The following PRKN variants were observed in gnomAD, a reference collection of about 807,000 sequenced individuals.
PRKN encodes the protein E3 ubiquitin-protein ligase parkin.
In PRKN, 56 loss-of-function variants were observed where a neutral mutation model predicts 59.5. That is an observed-to-expected ratio of 0.94 (90% confidence interval 0.76 to 1.18). PRKN has a LOEUF of 1.18. Ranked by LOEUF, PRKN falls within the 50% of genes most tolerant of loss-of-function variation. The pLI is 0.00. For synonymous variants in PRKN, 250 were observed against 222.1 expected, an observed-to-expected ratio of 1.13 and a Z score of -1.12; for missense variants, 657 against 596.4, an observed-to-expected ratio of 1.10 and a Z score of -1.06.
chr6:162,022,975 G>A (rs562070343), intron 5 of PRKN, among the ~76,000 whole-genome samples: 21 of 152,188 alleles, frequency 1.4e-4, no homozygotes, highest in African/African-American at 4.6e-4. Flanking sequence ...TAGGTATGAG[G>A]CTTTATTTCT....
chr6:162,617,758 ATTTT>A (rs34324063), intron 1 of PRKN, among the ~76,000 whole-genome samples: 1 of 151,122 alleles, frequency 6.6e-6, no homozygotes, highest in African/African-American at 2.4e-5. Context: ...CTGAAAAATA[ATTTT>A]TTTTTGTTAT....
At chr6:162,546,840 A>C (rs1229900483) in intron 1 of PRKN, among the ~76,000 whole-genome samples, 2 of 152,180 alleles carry the variant, frequency 1.3e-5, no homozygotes, top group African/African-American at 2.4e-5. Context: ...TGTCAGACTG[A>C]AACAACCACC....
chr6:161,783,031 A>T (rs191161119), intron 7 of PRKN, among the ~76,000 whole-genome samples: 1 of 152,336 alleles, frequency 6.6e-6, no homozygotes, highest in East Asian at 1.9e-4. Context: ...AACAAACTGC[A>T]AAAATCTTAA....
chr6:161,641,310 T>C (rs1783729216), intron 7 of PRKN, among the ~76,000 whole-genome samples: 2 of 152,206 alleles, frequency 1.3e-5, no homozygotes, highest in Admixed American at 1.3e-4. Flanking sequence ...ATAACATCAT[T>C]ATTGTAAAAC....
At chr6:162,662,434 C>A (rs1180723396) in intron 1 of PRKN, among the ~76,000 whole-genome samples, 1 of 151,826 alleles carries the variant, frequency 6.6e-6, no homozygotes, top group Non-Finnish European at 1.5e-5. Context: ...AATTAAGTTC[C>A]ATTTATCTAT....
At chr6:162,324,881 G>A (rs1327690543) in intron 2 of PRKN, among the ~76,000 whole-genome samples, 1 of 151,974 alleles carries the variant, frequency 6.6e-6, no homozygotes, top group Admixed American at 6.6e-5. Flanking sequence ...GCAATATTGT[G>A]TCCTAAACTA....
rs576493932 is a variant in PRKN, at chr6:161,359,939, T to C, written c.1285+149A>G. The C allele has an allele frequency of 9.7e-6, 7 of 722,474 alleles. No homozygotes were observed. The highest frequency in any genetic ancestry group is 6.1e-5 in the South Asian group (4 of 65,326). The allele number at this position is 722,474 out of a possible 1,614,324, so 44.8% of individuals were successfully genotyped here. A position where few individuals can be genotyped will look rare whatever the true frequency, so the allele number is the denominator to read the frequency against. ...TTCTGTGTAACAAAAACAATAATAA[T>C]AGTGATAATGGGTAACATTAATCGA... On this transcript the variant is annotated intron_variant, in intron 11 of 11. Coordinates refer to ENST00000366898, the MANE Select transcript of PRKN (RefSeq NM_004562.3). The surrounding 1 kb of genome is among the most constrained non-coding windows in gnomAD (Gnocchi z 5.4).
At chr6:162,442,447 C>G (rs961064299) in intron 2 of PRKN, among the ~76,000 whole-genome samples, 1 of 152,134 alleles carries the variant, frequency 6.6e-6, no homozygotes, top group Non-Finnish European at 1.5e-5. Flanking sequence ...CAAAGAATAG[C>G]GTCAACAAAT....
chr6:161,381,291 T>C (rs1053328703), intron 10 of PRKN, among the ~76,000 whole-genome samples: 5 of 152,156 alleles, frequency 3.3e-5, no homozygotes, highest in African/African-American at 9.7e-5. Context: ...TCACTGGGAC[T>C]GGAGTGGTCA....
Position 161,482,464 on chromosome 6 carries a change from T to A in PRKN, c.1083+66390A>T, listed in dbSNP as rs181633570. On this transcript the variant is annotated intron_variant, in intron 9 of 11. Transcript: ENST00000366898. ...ATCAATATGAATATGAAGAGATGCA[T>A]GAAATAATATGACTAAGTTCTTTAA... is the stretch of plus-strand genomic sequence containing the variant. Among the ~76,000 whole-genome samples, 28 of 152,334 alleles carry A rather than the reference T, an allele frequency of 1.8e-4. No individual in the cohort carries two copies. In the East Asian group the frequency reaches 5.2e-3, roughly 28 times the overall value.
intron 1 of PRKN, among the ~76,000 whole-genome samples, chr6:162,453,733 T>A (rs186394413): frequency 6.6e-6 from 1 of 152,140 alleles, no homozygotes; most frequent in African/African-American, 2.4e-5. Flanking sequence ...TGAAACCCCA[T>A]CTCTACTAAA....
intron 2 of PRKN, among the ~76,000 whole-genome samples, chr6:162,378,142 G>A (rs1421286880): frequency 1.3e-5 from 2 of 152,164 alleles, no homozygotes; most frequent in Non-Finnish European, 2.9e-5. Flanking sequence ...CCATCTATCT[G>A]GAGTTCTTTT....
chr6:162,549,718 A>C (rs886092363), intron 1 of PRKN, among the ~76,000 whole-genome samples: 2 of 150,182 alleles, frequency 1.3e-5, no homozygotes, highest in Non-Finnish European at 2.9e-5. Flanking sequence ...GACTCACTGC[A>C]ACCGCTGCCT....
intron 1 of PRKN, among the ~76,000 whole-genome samples, chr6:162,676,506 A>G (rs1473789288): frequency 1.3e-5 from 2 of 152,238 alleles, no homozygotes; most frequent in Non-Finnish European, 2.9e-5. Context: ...GGGCAGGTCA[A>G]TAACATAGAT....
At chr6:162,475,828 T>G (rs917295715) in intron 1 of PRKN, among the ~76,000 whole-genome samples, 9 of 152,256 alleles carry the variant, frequency 5.9e-5, no homozygotes, top group African/African-American at 2.2e-4. Flanking sequence ...CTCAGCTCAC[T>G]GCAACCTCCG....
intron 7 of PRKN, among the ~76,000 whole-genome samples, chr6:161,591,298 A>C (rs1417871701): frequency 2.0e-5 from 3 of 152,188 alleles, no homozygotes; most frequent in Non-Finnish European, 2.9e-5. Context: ...AAGTTCAAAG[A>C]AAAAGACATT....
At chr6:162,226,082 T>C (rs1778164379) in intron 3 of PRKN, among the ~76,000 whole-genome samples, 1 of 113,718 alleles carries the variant, frequency 8.8e-6, no homozygotes, top group African/African-American at 4.1e-5. Flanking sequence ...ATAATAATAA[T>C]AATAATAATA....
At chr6:162,674,332 C>T (rs1443620381) in intron 1 of PRKN, among the ~76,000 whole-genome samples, 3 of 152,128 alleles carry the variant, frequency 2.0e-5, no homozygotes, top group African/African-American at 7.2e-5. Flanking sequence ...TAGAGATGTA[C>T]TCAATGTTCC....
intron 4 of PRKN, among the ~76,000 whole-genome samples, chr6:162,174,754 C>T (rs1414886297): frequency 6.6e-6 from 1 of 152,292 alleles, no homozygotes; most frequent in East Asian, 1.9e-4. Context: ...CAACTAGTCC[C>T]ATTCATAGGA....
Sources: allele counts gnomAD v4.1 joint callset (sites outside exome capture counted in the v4.1 genomes callset), GRCh38; gene constraint gnomAD v4.1.1; non-coding constraint Gnocchi (gnomAD v3.1); transcripts MANE v1.5; gene names NCBI Gene and HGNC (gene_info 2026-07-23, HGNC 2026-07-21).